The following PRKN variants were observed in gnomAD, a reference collection of about 807,000 sequenced individuals.
The protein encoded by PRKN is E3 ubiquitin-protein ligase parkin.
A neutral mutation model predicts 59.5 loss-of-function variants in PRKN; 56 were observed. That is an observed-to-expected ratio of 0.94 (90% CI 0.76 to 1.18). The LOEUF (loss-of-function observed/expected upper bound fraction) is 1.18. PRKN is among the 50% of genes most tolerant of loss of function. The pLI, the probability that PRKN is intolerant of heterozygous loss-of-function variation, is 0.00. For missense variants in PRKN, 657 were observed against 596.4 expected (o/e 1.10, Z -1.06); for synonymous variants, 250 against 222.1 (o/e 1.13, Z -1.12).
At chr6:161,764,336 C>A (rs1212419338) in intron 7 of PRKN, among the ~76,000 whole-genome samples, 3 of 152,214 alleles carry the variant, frequency 2.0e-5, no homozygotes, top group Non-Finnish European at 4.4e-5. Context: ...TGACGCAGAG[C>A]CTGCAGTGTA....
chr6:162,407,603 T>C (rs1788136212), intron 2 of PRKN, among the ~76,000 whole-genome samples: 1 of 152,188 alleles, frequency 6.6e-6, no homozygotes, highest in African/African-American at 2.4e-5. Context: ...TTCCATGTAA[T>C]TGTCTTAAAA....
At chr6:162,577,328 G>C (rs754463158) in intron 1 of PRKN, among the ~76,000 whole-genome samples, 1 of 149,698 alleles carries the variant, frequency 6.7e-6, no homozygotes, top group Non-Finnish European at 1.5e-5. Context: ...GGCCAGGCAC[G>C]GTGGCTCGTG....
intron 9 of PRKN, among the ~76,000 whole-genome samples, chr6:161,539,411 C>T (rs71544911): frequency 0.15 from 16,267 of 112,050 alleles, 975 homozygotes; most frequent in Middle Eastern, 0.23. Context: ...CCACCACCTG[C>T]ATGCCTGGCT....
At chr6:162,181,259 A>G (rs1233220252) in intron 4 of PRKN, among the ~76,000 whole-genome samples, 1 of 152,222 alleles carries the variant, frequency 6.6e-6, no homozygotes, top group Non-Finnish European at 1.5e-5. Flanking sequence ...CTTTCCAGCA[A>G]GCATAGGAAA....
At chr6:161,799,348 G>A (rs186498835) in intron 6 of PRKN, among the ~76,000 whole-genome samples, 4 of 152,346 alleles carry the variant, frequency 2.6e-5, no homozygotes, top group Admixed American at 2.6e-4. Context: ...GGACAAAAGC[G>A]AGGCAAACAA....
At chr6:162,646,640 C>A (rs180703309) in intron 1 of PRKN, among the ~76,000 whole-genome samples, 3 of 152,200 alleles carry the variant, frequency 2.0e-5, no homozygotes, top group Admixed American at 2.0e-4. Flanking sequence ...ATTGCAGATA[C>A]ATTCTGAGAA....
rs191574086 is a variant in PRKN, at chr6:161,775,672, A to T, written c.871+10100T>A. Among the ~76,000 whole-genome samples, 1,318 of 152,356 alleles carry T rather than the reference A, an allele frequency of 8.7e-3. 13 individuals are homozygous for T. Among genetic ancestry groups the T allele is most frequent in the Middle Eastern group, 0.051 (15 of 294 alleles). On this transcript the variant is annotated intron_variant, in intron 7 of 11. Transcript: ENST00000366898. ...TCCAATGTGTTTTAGGAGTTATATT[A>T]ACATGATTATTTGTATTTAGGAGAG... is the stretch of plus-strand genomic sequence containing the variant.
At chr6:162,417,865 ATAG>A (rs1221327657) in intron 2 of PRKN, among the ~76,000 whole-genome samples, 1 of 152,320 alleles carries the variant, frequency 6.6e-6, no homozygotes, top group South Asian at 2.1e-4. Context: ...CTTCACCTTC[ATAG>A]TAGACTTTTC....
intron 5 of PRKN, among the ~76,000 whole-genome samples, chr6:162,017,991 C>A (rs968825662): frequency 2.0e-5 from 3 of 152,036 alleles, no homozygotes; most frequent in Non-Finnish European, 4.4e-5. Context: ...AGATCTGGAA[C>A]AGAGATGAAG....
intron 3 of PRKN, among the ~76,000 whole-genome samples, chr6:162,258,785 C>T (rs1583279019): frequency 6.6e-6 from 1 of 152,152 alleles, no homozygotes; most frequent in East Asian, 1.9e-4. Flanking sequence ...ACTTCAATGA[C>T]TCGTTCCAGT....
At chr6:162,572,007 C>T (rs151132418) in intron 1 of PRKN, among the ~76,000 whole-genome samples, 3 of 152,202 alleles carry the variant, frequency 2.0e-5, no homozygotes, top group African/African-American at 4.8e-5. Context: ...ACAGACATTC[C>T]AGATGCAAAC....
chr6:162,381,156 G>T (rs1786463762), intron 2 of PRKN, among the ~76,000 whole-genome samples: 1 of 152,084 alleles, frequency 6.6e-6, no homozygotes, highest in African/African-American at 2.4e-5. Flanking sequence ...ATTCCACTCA[G>T]CTCAAAAGAC....
intron 9 of PRKN, among the ~76,000 whole-genome samples, chr6:161,398,610 T>C (rs1405078944): frequency 6.6e-6 from 1 of 152,198 alleles, no homozygotes; most frequent in East Asian, 1.9e-4. Context: ...GCAGAACGTA[T>C]GTAATTTCCA....
intron 6 of PRKN, among the ~76,000 whole-genome samples, chr6:161,827,668 G>T (rs6455777): frequency 0.66 from 100,462 of 151,644 alleles, 33,374 homozygotes; most frequent in Middle Eastern, 0.76. Context: ...CCACCACACC[G>T]GGCTAATTTT....
intron 2 of PRKN, among the ~76,000 whole-genome samples, chr6:162,369,329 G>A (rs959913520): frequency 5.9e-5 from 9 of 152,130 alleles, no homozygotes; most frequent in Admixed American, 2.0e-4. Context: ...GTGCTGTGCC[G>A]TCTCTAGCTA....
At chr6:162,582,437 T>C (rs2128211620) in intron 1 of PRKN, among the ~76,000 whole-genome samples, 1 of 152,358 alleles carries the variant, frequency 6.6e-6, no homozygotes, top group South Asian at 2.1e-4. Flanking sequence ...TAAAATATCC[T>C]GATTATGGTG....
intron 2 of PRKN, among the ~76,000 whole-genome samples, chr6:162,318,547 C>T (rs1782843956): frequency 6.6e-6 from 1 of 152,092 alleles, no homozygotes; most frequent in African/African-American, 2.4e-5. Context: ...CTGATTTCCA[C>T]AGCGGTTGCA....
chr6:162,600,970 C>T (rs1159968803), intron 1 of PRKN, among the ~76,000 whole-genome samples: 1 of 152,156 alleles, frequency 6.6e-6, no homozygotes, highest in East Asian at 1.9e-4. Flanking sequence ...GAATGGATAA[C>T]ATAGCTAGTA....
In PRKN at chr6:161,393,090, A is replaced by G. The variant is rs1026075246; in HGVS notation, c.1084-6213T>C. Among the ~76,000 whole-genome samples, 25 of 152,124 alleles carry G rather than the reference A, an allele frequency of 1.6e-4. No homozygotes were observed. The highest frequency in any genetic ancestry group is 6.0e-4 in the African/African-American group (25 of 41,370). Reference sequence around the variant, plus strand: ...ATCATTTATTATCTGTGTGATCCCAACATCTCTTTGCTTGAGCTTTTTTGC... The same window carrying G: ...ATCATTTATTATCTGTGTGATCCCAGCATCTCTTTGCTTGAGCTTTTTTGC... On this transcript the variant is annotated intron_variant, in intron 9 of 11. Coordinates refer to ENST00000366898, the MANE Select transcript of PRKN (RefSeq NM_004562.3). This position sits in a 1 kb window ranked among gnomAD's most constrained non-coding sequence, Gnocchi z 4.7.
Sources: gnomAD v4.1 joint callset for allele counts (sites outside exome capture counted in the v4.1 genomes callset) on GRCh38, gnomAD v4.1.1 for gene constraint, Gnocchi (gnomAD v3.1) non-coding constraint, MANE v1.5 for transcripts, NCBI Gene and HGNC (gene_info 2026-07-23, HGNC 2026-07-21) for gene names.